DMD: variants seen among roughly 807,000 people sequenced by gnomAD.
DMD encodes the protein mutant dystrophin.
Under a neutral mutation model 330.1 loss-of-function variants are expected in DMD, and 63 were observed. That is an observed-to-expected ratio of 0.19 (90% CI 0.16 to 0.24). DMD has a LOEUF of 0.24. DMD is among the 10% of genes least tolerant of loss of function. The pLI is 1.00. For synonymous variants in DMD, 1,223 were observed against 959.8 expected, an observed-to-expected ratio of 1.27 and a Z score of -5.07; for missense variants, 3,344 against 2,684.1, an observed-to-expected ratio of 1.25 and a Z score of -5.43.
chrX:32,629,678 A>G (rs12558057), intron 11 of DMD, among the ~76,000 whole-genome samples: 35,086 of 109,385 alleles, frequency 0.32, 7,193 homozygotes, highest in African/African-American at 0.76. Flanking sequence ...ATTAATTTTT[A>G]TGTACCTGAG....
intron 47 of DMD, among the ~76,000 whole-genome samples, chrX:31,890,318 G>T (rs1427139656): frequency 9.6e-6 from 1 of 104,534 alleles, no homozygotes; most frequent in Non-Finnish European, 2.0e-5. Context: ...ATACCAGCCT[G>T]GGAGGCAACA....
intron 41 of DMD, among the ~76,000 whole-genome samples, chrX:32,338,167 T>C (rs955862386): frequency 3.6e-5 from 4 of 111,599 alleles, no homozygotes; most frequent in African/African-American, 1.3e-4. Flanking sequence ...TCAGTCAATA[T>C]TGTCATCCTG....
chrX:32,119,025 G>A (rs1320970632), intron 44 of DMD, among the ~76,000 whole-genome samples: 1 of 111,308 alleles, frequency 9.0e-6, no homozygotes, highest in Non-Finnish European at 1.9e-5. Context: ...GTTCCTAACA[G>A]GTCACTGACC....
At chrX:32,893,306 A>G (rs775206263) in intron 2 of DMD, among the ~76,000 whole-genome samples, 1 of 111,998 alleles carries the variant, frequency 8.9e-6, no homozygotes, top group Non-Finnish European at 1.9e-5. Flanking sequence ...TGTTCAATGT[A>G]ACACAAAAGC....
chrX:32,459,637 C>T (rs2098376006), intron 25 of DMD, among the ~76,000 whole-genome samples: 1 of 111,116 alleles, frequency 9.0e-6, no homozygotes, highest in African/African-American at 3.3e-5. Flanking sequence ...AGTACCCACT[C>T]TTTCTTTAAA....
At chrX:32,843,590 G>C (rs1203939129) in intron 4 of DMD, among the ~76,000 whole-genome samples, 2 of 112,050 alleles carry the variant, frequency 1.8e-5, no homozygotes, top group African/African-American at 3.2e-5. Context: ...AGCAACATTT[G>C]GGGGAGTACA....
chrX:31,674,388 A>G (rs958025407), intron 53 of DMD, among the ~76,000 whole-genome samples: 10 of 112,635 alleles, frequency 8.9e-5, no homozygotes, highest in Non-Finnish European at 3.8e-5. Context: ...CAAGTTTCCT[A>G]AAGAATGCCT....
At chrX:31,360,339 G>A (rs1226117506) in intron 60 of DMD, among the ~76,000 whole-genome samples, 2 of 111,909 alleles carry the variant, frequency 1.8e-5, no homozygotes, top group East Asian at 5.6e-4. Context: ...CTTTCACCAT[G>A]TCTCTCTAGC....
At chrX:33,254,490 C>A (rs995228056) in intron 1 of DMD, among the ~76,000 whole-genome samples, 8 of 110,132 alleles carry the variant, frequency 7.3e-5, no homozygotes, top group Non-Finnish European at 1.3e-4. Flanking sequence ...TTTTCACTTG[C>A]GACCTTAGGC....
At chrX:31,507,485 G>A (rs1278773660) in intron 55 of DMD, 32 bp from the exon 56 acceptor site, 1 of 1,153,690 alleles carries the variant, frequency 8.7e-7, no homozygotes, top group African/African-American at 1.8e-5. Context: ...AATATGTGCA[G>A]AATTACCAAA....
chrX:31,672,448 T>G (rs2081860852), intron 53 of DMD, among the ~76,000 whole-genome samples: 1 of 112,323 alleles, frequency 8.9e-6, no homozygotes, highest in South Asian at 3.6e-4. Flanking sequence ...TTTTCAAGTG[T>G]CTATTTCCTT....
At chrX:32,157,153 C>T (rs1189691538) in intron 44 of DMD, among the ~76,000 whole-genome samples, 9 of 112,288 alleles carry the variant, frequency 8.0e-5, no homozygotes, top group Non-Finnish European at 1.7e-4. Flanking sequence ...GTGGTGCTGA[C>T]GTGTTTATGT....
chrX:31,746,585 G>A (rs1448960757), intron 51 of DMD, among the ~76,000 whole-genome samples: 1 of 111,534 alleles, frequency 9.0e-6, no homozygotes, highest in Non-Finnish European at 1.9e-5. Context: ...TACAGTAACA[G>A]CAATTAAGAC....
intron 43 of DMD, among the ~76,000 whole-genome samples, chrX:32,226,350 TC>T: frequency 8.9e-6 from 1 of 112,128 alleles, no homozygotes; most frequent in Admixed American, 9.5e-5. Flanking sequence ...ATCTAAAATG[TC>T]ACTATTCCAT....
chrX:32,797,972 C>A (rs1303046984), intron 7 of DMD, among the ~76,000 whole-genome samples: 2 of 111,466 alleles, frequency 1.8e-5, no homozygotes, highest in Non-Finnish European at 3.8e-5. Context: ...TATTTAAATT[C>A]CCCAACTGAG....
chrX:32,002,371 G>T (rs2095632967), intron 44 of DMD, among the ~76,000 whole-genome samples: 1 of 111,745 alleles, frequency 8.9e-6, no homozygotes, highest in South Asian at 3.7e-4. Context: ...TGAAGCATTT[G>T]ATTATCTTCT....
intron 44 of DMD, among the ~76,000 whole-genome samples, chrX:32,033,649 GAAAGAAGA>G (rs1321462748): frequency 3.8e-4 from 7 of 18,509 alleles, no homozygotes; most frequent in Non-Finnish European, 4.7e-4. Context: ...AAGAAAGAAA[GAAAGAAGA>G]AAGAAAGAAA....
intron 1 of DMD, among the ~76,000 whole-genome samples, chrX:33,337,484 C>T (rs761159881): frequency 2.7e-5 from 3 of 111,386 alleles, no homozygotes; most frequent in Admixed American, 9.6e-5. Flanking sequence ...ATCTACAGTA[C>T]TTAAAAGTAT....
At chrX:32,925,160 T>TTTG (rs1246796842) in intron 2 of DMD, among the ~76,000 whole-genome samples, 16 of 96,657 alleles carry the variant, frequency 1.7e-4, no homozygotes, top group African/African-American at 6.4e-4. Context: ...TTTTTTTTTT[T>TTTG]TTTTTTTTTT....
Sources: allele counts gnomAD v4.1 joint callset (sites outside exome capture counted in the v4.1 genomes callset), GRCh38; gene constraint gnomAD v4.1.1; transcripts MANE v1.5; gene names NCBI Gene and HGNC (gene_info 2026-07-23, HGNC 2026-07-21).